Variants in FBXO25 observed in about 807,000 individuals in gnomAD.
The protein encoded by FBXO25 is F-box only protein 25.
A neutral mutation model predicts 51.9 loss-of-function variants in FBXO25; 45 were observed. The observed-to-expected ratio is 0.87, with a 90% confidence interval of 0.68 to 1.11. The LOEUF is 1.11. FBXO25 is among the 50% of genes most tolerant of loss of function. The pLI is 0.00. For synonymous variants in FBXO25, 199 were observed against 151.0 expected (o/e 1.32, Z -2.33); for missense variants, 507 against 428.5 (o/e 1.18, Z -1.62).
At chr8:449,352 TCA>T (rs1798935666) in intron 5 of FBXO25, among the ~76,000 whole-genome samples, 1 of 152,234 alleles carries the variant, frequency 6.6e-6, no homozygotes, top group Non-Finnish European at 1.5e-5. Flanking sequence ...GCCTCGGTCA[TCA>T]TTCCCACAGG....
Position 431,422 on chromosome 8 carries a change from T to G in FBXO25, c.216T>G (p.Phe72Leu). 2 of 1,535,690 alleles carry G rather than the reference T, an allele frequency of 1.3e-6. No homozygotes were observed. Among genetic ancestry groups the G allele is most frequent in the South Asian group, 1.2e-5 (1 of 82,366 alleles). ...CGAAAAAAAGGAAAAAGGACCATTT[T>G]AGAAATGACACAAATACTCAAAGTA... is the stretch of plus-strand genomic sequence containing the variant. ...YASKKRKKDH[F>L]RNDTNTQSFY... The change falls in exon 3 of 10, where the codon TTT becomes TTG. Residue 72 changes from phenylalanine to leucine, a missense_variant. Phe to Leu is a conservative substitution (Grantham distance 22). Transcript: ENST00000350302.
chr8:445,776 C>T (rs1202527054), intron 5 of FBXO25, among the ~76,000 whole-genome samples: 1 of 152,188 alleles, frequency 6.6e-6, no homozygotes, highest in Non-Finnish European at 1.5e-5. Context: ...GAAGCTGAGG[C>T]TAGAGAATCG....
chr8:410,893 T>G (rs182558965), intron 1 of FBXO25, among the ~76,000 whole-genome samples: 1 of 152,358 alleles, frequency 6.6e-6, no homozygotes, highest in Non-Finnish European at 1.5e-5. Flanking sequence ...TACTTCATCA[T>G]TTCCTACACC....
chr8:426,139 A>T (rs1196681366), intron 2 of FBXO25, among the ~76,000 whole-genome samples: 1 of 152,134 alleles, frequency 6.6e-6, no homozygotes, highest in East Asian at 1.9e-4. Flanking sequence ...CTCCACAGAT[A>T]AATAAAGACC....
Position 455,872 on chromosome 8 carries a change from G to A in FBXO25, c.661-2497G>A, listed in dbSNP as rs751398555. On this transcript the variant is annotated intron_variant, in intron 7 of 9. Coordinates refer to ENST00000350302, the MANE Select transcript of FBXO25 (RefSeq NM_183420.2). Reference sequence around the variant, plus strand: ...CTTGTCACATTTCGAGATTTCGTTTGGATGAGAAGTGCTGGCATTTCTGCG... The same window carrying A: ...CTTGTCACATTTCGAGATTTCGTTTAGATGAGAAGTGCTGGCATTTCTGCG... 2.0e-5 allele frequency among the ~76,000 whole-genome samples: 3 copies of A among 152,178 alleles called. No homozygotes were observed. In the South Asian group the frequency reaches 6.2e-4, roughly 31 times the overall value.
chr8:413,030 A>T (rs1796578585), intron 1 of FBXO25, 43 bp from the exon 2 acceptor site: 2 of 1,351,868 alleles, frequency 1.5e-6, no homozygotes, highest in Non-Finnish European at 1.9e-6. Context: ...AGAAACTTTT[A>T]TGAATTATAT....
At chr8:452,268 T>C (rs960095038) in intron 7 of FBXO25, among the ~76,000 whole-genome samples, 1 of 152,230 alleles carries the variant, frequency 6.6e-6, no homozygotes, top group Non-Finnish European at 1.5e-5. Context: ...TCTGAAATTA[T>C]CCTTAATAAT....
intron 5 of FBXO25, among the ~76,000 whole-genome samples, chr8:447,898 C>G (rs1053298706): frequency 6.6e-6 from 1 of 152,076 alleles, no homozygotes; most frequent in African/African-American, 2.4e-5. Flanking sequence ...AGTGAGACAG[C>G]AGGAGACAAA....
At chr8:432,985 A>C (rs746897033) in intron 4 of FBXO25, 50 bp downstream of exon 4, 1 of 1,490,660 alleles carries the variant, frequency 6.7e-7, no homozygotes, top group Non-Finnish European at 8.9e-7. Flanking sequence ...TTTCTGTTGA[A>C]TATGGAGTCA....
chr8:411,766 A>C (rs1437869751), intron 1 of FBXO25, among the ~76,000 whole-genome samples: 1 of 152,134 alleles, frequency 6.6e-6, no homozygotes, highest in Middle Eastern at 3.2e-3. Context: ...TTGAGGCAGC[A>C]GAAGGGCGCT....
intron 7 of FBXO25, among the ~76,000 whole-genome samples, chr8:454,266 T>A (rs1265426099): frequency 1.3e-5 from 2 of 152,260 alleles, no homozygotes; most frequent in African/African-American, 4.8e-5. Context: ...ACTTTGCTGT[T>A]TAAGCTGCAT....
chr8:460,541 C>T (rs921237373), intron 8 of FBXO25, among the ~76,000 whole-genome samples: 35 of 152,226 alleles, frequency 2.3e-4, no homozygotes, highest in African/African-American at 7.9e-4. Context: ...CCTGAGAAAA[C>T]TGGACTGGTT....
rs530423929 is a variant in FBXO25, at chr8:453,245, C to T, written c.660+1792C>T. On this transcript the variant is annotated intron_variant, in intron 7 of 9. Coordinates refer to ENST00000350302, the MANE Select transcript of FBXO25 (RefSeq NM_183420.2). ...CAAAGGTGCCAGTTTTCGTCATGTC[C>T]ACTCAAATCTTACCATCAGAGACCT... Among the ~76,000 whole-genome samples the T allele has an allele frequency of 3.9e-5, 6 of 152,248 alleles. No homozygotes were observed. The East Asian group carries it at 5.8e-4, about 15-fold the overall frequency.
intron 4 of FBXO25, 91 bp from the exon 5 acceptor site, chr8:435,524 A>G (rs930498213): frequency 1.8e-5 from 24 of 1,352,096 alleles, no homozygotes; most frequent in African/African-American, 4.5e-5. Context: ...GTCCTTTGCC[A>G]AAAATTTTTT....
chr8:421,336 G>T (rs12543804), intron 2 of FBXO25, among the ~76,000 whole-genome samples: 8,827 of 152,304 alleles, frequency 0.058, 277 homozygotes, highest in Middle Eastern at 0.078. Context: ...TGCCAAAACG[G>T]TTAGGGAATG....
At chr8:439,201 C>T (rs1304457831) in intron 5 of FBXO25, among the ~76,000 whole-genome samples, 10 of 152,144 alleles carry the variant, frequency 6.6e-5, no homozygotes, top group African/African-American at 2.2e-4. Context: ...CCCTTGGAGT[C>T]CTGGGCTTGC....
intron 5 of FBXO25, among the ~76,000 whole-genome samples, chr8:445,185 T>G (rs926728556): frequency 6.6e-6 from 1 of 152,234 alleles, no homozygotes; most frequent in Admixed American, 6.5e-5. Context: ...GTGATGTCCA[T>G]TCTGTAGTCC....
chr8:468,461 G>C (rs1006177379), intron 9 of FBXO25, among the ~76,000 whole-genome samples: 22 of 152,140 alleles, frequency 1.4e-4, no homozygotes, highest in African/African-American at 5.3e-4. Context: ...CTCAGTACCA[G>C]ATTCGGCACT....
chr8:408,023 T>G (rs1290594695), intron 1 of FBXO25, among the ~76,000 whole-genome samples: 1 of 152,258 alleles, frequency 6.6e-6, no homozygotes, highest in Non-Finnish European at 1.5e-5. Flanking sequence ...AGACGTTTAC[T>G]CTTTCATATT....
Sources: gnomAD v4.1 joint callset for allele counts (sites outside exome capture counted in the v4.1 genomes callset) on GRCh38, gnomAD v4.1.1 for gene constraint, MANE v1.5 for transcripts, NCBI Gene and HGNC (gene_info 2026-07-23, HGNC 2026-07-21) for gene names.